The following ARHGAP22 variants were observed in gnomAD, a reference collection of about 807,000 sequenced individuals.
ARHGAP22 encodes the protein Rho GTPase activating protein 22, also known as rho GTPase-activating protein 22.
ARHGAP22 carries 48 observed loss-of-function variants against 59.1 expected under a neutral mutation model. That is an observed-to-expected ratio of 0.81 (90% CI 0.64 to 1.03). The LOEUF (loss-of-function observed/expected upper bound fraction) is 1.03. Ranked by LOEUF, ARHGAP22 falls within the 50% of genes least tolerant of loss-of-function variation. The probability of loss-of-function intolerance (pLI) is 0.00; values close to 1 mark genes in which losing one functional copy is unlikely to be tolerated. For missense variants in ARHGAP22, 1,015 were observed against 958.7 expected, an observed-to-expected ratio of 1.06 and a Z score of -0.78; for synonymous variants, 445 against 416.4, an observed-to-expected ratio of 1.07 and a Z score of -0.84.
chr10:48,525,385 C>A (rs780757336), intron 3 of ARHGAP22, among the ~76,000 whole-genome samples: 3 of 152,174 alleles, frequency 2.0e-5, no homozygotes, highest in Non-Finnish European at 4.4e-5. Flanking sequence ...CCTGCCTGGG[C>A]AACATGGCAA....
upstream of ARHGAP22, among the ~76,000 whole-genome samples, chr10:48,607,975 G>A (rs1343121442): frequency 2.6e-5 from 4 of 152,224 alleles, no homozygotes; most frequent in Non-Finnish European, 5.9e-5. Context: ...CTTCAAAACA[G>A]TAGTTCCTAA....
intron 1 of ARHGAP22, among the ~76,000 whole-genome samples, chr10:48,592,932 G>C (rs1252883325): frequency 6.6e-6 from 1 of 152,252 alleles, no homozygotes; most frequent in Non-Finnish European, 1.5e-5. Flanking sequence ...AAACCCTGCA[G>C]GTTCCTGAGC....
upstream of ARHGAP22, among the ~76,000 whole-genome samples, chr10:48,607,776 G>A (rs2060732726): frequency 6.6e-6 from 1 of 152,228 alleles, no homozygotes; most frequent in Non-Finnish European, 1.5e-5. Context: ...CTTTCCAGCA[G>A]TGGTCCTAGG....
chr10:48,514,797 C>T (rs1001278024), intron 3 of ARHGAP22, among the ~76,000 whole-genome samples: 5 of 152,116 alleles, frequency 3.3e-5, no homozygotes, highest in African/African-American at 1.2e-4. Context: ...ATAATGGCAC[C>T]AACGAGTCAG....
intron 1 of ARHGAP22, among the ~76,000 whole-genome samples, chr10:48,650,996 AT>A (rs1428716461): frequency 6.6e-6 from 1 of 152,150 alleles, no homozygotes; most frequent in African/African-American, 2.4e-5. Flanking sequence ...CCCCATGAAT[AT>A]CTACTCAGAC....
At chr10:48,644,010 G>A (rs144836745) in intron 1 of ARHGAP22, among the ~76,000 whole-genome samples, 7,544 of 152,170 alleles carry the variant, frequency 0.05, 541 homozygotes, top group African/African-American at 0.17. Context: ...AGCTGGGCGT[G>A]GTGGCACATG....
chr10:48,463,711 C>T (rs2047376608), intron 4 of ARHGAP22, among the ~76,000 whole-genome samples: 2 of 152,198 alleles, frequency 1.3e-5, no homozygotes, highest in Admixed American at 6.5e-5. Flanking sequence ...TCAGCTTTCC[C>T]TCCCCTCTGT....
At chr10:48,585,416 C>T (rs2059372832) in intron 1 of ARHGAP22, among the ~76,000 whole-genome samples, 1 of 152,200 alleles carries the variant, frequency 6.6e-6, no homozygotes, top group African/African-American at 2.4e-5. Context: ...TTTCTCATTC[C>T]TTTGACTCTG....
At chr10:48,558,587 G>A (rs982339780) in intron 2 of ARHGAP22, among the ~76,000 whole-genome samples, 1 of 152,002 alleles carries the variant, frequency 6.6e-6, no homozygotes, top group Non-Finnish European at 1.5e-5. Context: ...TGCTGGTCTC[G>A]ATTTCCTGGG....
At chr10:48,619,101 C>G (rs2061194093) in intron 1 of ARHGAP22, among the ~76,000 whole-genome samples, 1 of 151,912 alleles carries the variant, frequency 6.6e-6, no homozygotes, top group Non-Finnish European at 1.5e-5. Flanking sequence ...CTGTTTACAA[C>G]AACTACAAAA....
At chr10:48,568,352 G>C (rs1173951580) in intron 2 of ARHGAP22, among the ~76,000 whole-genome samples, 1 of 152,218 alleles carries the variant, frequency 6.6e-6, no homozygotes, top group Non-Finnish European at 1.5e-5. Context: ...GAGATCCTGG[G>C]AGTTTGCAAA....
intron 2 of ARHGAP22, among the ~76,000 whole-genome samples, chr10:48,557,782 C>T (rs866069396): frequency 6.6e-6 from 1 of 152,224 alleles, no homozygotes; most frequent in African/African-American, 2.4e-5. Context: ...CACTGGCCCT[C>T]GGCTGCCCAG....
At chr10:48,647,686 C>T (rs947655083) in intron 1 of ARHGAP22, among the ~76,000 whole-genome samples, 5 of 152,258 alleles carry the variant, frequency 3.3e-5, no homozygotes, top group South Asian at 2.1e-4. Flanking sequence ...ACCTACCATA[C>T]GACCCAGCAA....
chr10:48,486,424 T>C (rs1442458448), intron 3 of ARHGAP22, among the ~76,000 whole-genome samples: 1 of 151,972 alleles, frequency 6.6e-6, no homozygotes, highest in Admixed American at 6.6e-5. Context: ...CGCAACCTCC[T>C]CTGCCTCCTG....
chr10:48,562,988 C>T (rs2057786539), intron 2 of ARHGAP22, among the ~76,000 whole-genome samples: 1 of 152,132 alleles, frequency 6.6e-6, no homozygotes, highest in South Asian at 2.1e-4. Context: ...GCTGGCACGA[C>T]TGTTCCTTCT....
upstream of ARHGAP22, among the ~76,000 whole-genome samples, chr10:48,607,351 G>C (rs2060716660): frequency 6.6e-6 from 1 of 152,218 alleles, no homozygotes. Flanking sequence ...GGCAGGAGTT[G>C]ATCTACGTTC....
In ARHGAP22 at chr10:48,450,694, G is replaced by A. The variant is rs1004060477; in HGVS notation, c.1435C>T (p.Arg479Trp). 4.5e-6 allele frequency: 7 copies of A among 1,551,916 alleles called. No homozygotes were observed. In the East Asian group the frequency reaches 7.3e-5, roughly 16 times the overall value. Residue 479 changes from arginine to tryptophan, a missense_variant, in exon 9 of 10, where the codon CGG becomes TGG. By Grantham distance (101) the Arg-to-Trp change is moderately radical. Coordinates refer to ENST00000249601, the MANE Select transcript of ARHGAP22 (RefSeq NM_021226.4). Reference protein sequence around the residue: ...RGHRRASSGDRLKDSGSVQRL... With the variant: ...RGHRRASSGDWLKDSGSVQRL... ...TGCACGGAGCCCGAGTCCTTGAGCC[G>A]GTCTCCCGACGAGGCCCGGCGGTGT...
At position 48,451,048 on chromosome 10, in the gene ARHGAP22, G is replaced by T; in HGVS notation, c.1081C>A (p.Arg361Ser). ...CCCACTGCGCATTGCAGGCCCCCGCGCGGGGAGGTGGGCCCTTCCGGGACC... is the reference window on the plus strand; with the variant it reads ...CCCACTGCGCATTGCAGGCCCCCGCTCGGGGAGGTGGGCCCTTCCGGGACC... Reference protein sequence around the residue: ...APVPEGPTSPRGGLQCAVGWG... With the variant: ...APVPEGPTSPSGGLQCAVGWG... Residue 361 changes from arginine to serine, a missense_variant, in exon 9 of 10, where the codon CGC becomes AGC. Coordinates refer to ENST00000249601, the MANE Select transcript of ARHGAP22 (RefSeq NM_021226.4). 6.4e-7 allele frequency: 1 copy of T among 1,552,506 alleles called. No homozygotes were observed. Among genetic ancestry groups the T allele is most frequent in the East Asian group, 2.4e-5 (1 of 41,010 alleles).
chr10:48,644,385 T>C (rs1181888431), intron 1 of ARHGAP22, among the ~76,000 whole-genome samples: 2 of 152,198 alleles, frequency 1.3e-5, no homozygotes, highest in Non-Finnish European at 2.9e-5. Context: ...CTAGACAGAA[T>C]ATCAGCAACT....
Sources: allele counts gnomAD v4.1 joint callset (sites outside exome capture counted in the v4.1 genomes callset), GRCh38; gene constraint gnomAD v4.1.1; transcripts MANE v1.5; gene names NCBI Gene and HGNC (gene_info 2026-07-23, HGNC 2026-07-21).